Variants in MIPOL1 observed in about 807,000 individuals in gnomAD.
MIPOL1 encodes mirror-image polydactyly 1, also known as mirror-image polydactyly gene 1 protein.
A neutral mutation model predicts 60.9 loss-of-function variants in MIPOL1; 57 were observed. That is an observed-to-expected ratio of 0.94 (90% CI 0.76 to 1.17). MIPOL1 has a LOEUF of 1.17. Among genes scored for constraint, MIPOL1 ranks in the 50% most tolerant of loss-of-function variants. The pLI, the probability that MIPOL1 is intolerant of heterozygous loss-of-function variation, is 0.00. For synonymous variants in MIPOL1, 179 were observed against 168.8 expected (o/e 1.06, Z -0.47); for missense variants, 551 against 511.6 (o/e 1.08, Z -0.74).
chr14:37,514,040 C>G (rs547601222), intron 12 of MIPOL1, among the ~76,000 whole-genome samples: 2 of 152,082 alleles, frequency 1.3e-5, no homozygotes, highest in Non-Finnish European at 2.9e-5. Context: ...AATCCACTTA[C>G]GATGATCATG....
chr14:37,359,320 C>CT (rs1194063289), intron 9 of MIPOL1, among the ~76,000 whole-genome samples: 2 of 152,150 alleles, frequency 1.3e-5, no homozygotes, highest in Non-Finnish European at 2.9e-5. Context: ...AATGTGGGCT[C>CT]TTTTTTGGTT....
chr14:37,341,018 G>A (rs2153462231), intron 9 of MIPOL1, among the ~76,000 whole-genome samples: 1 of 152,240 alleles, frequency 6.6e-6, no homozygotes, highest in South Asian at 2.1e-4. Flanking sequence ...CTAACATGCT[G>A]TCCAGGTAGC....
At chr14:37,535,575 A>G (rs1414364470) in intron 12 of MIPOL1, among the ~76,000 whole-genome samples, 1 of 152,208 alleles carries the variant, frequency 6.6e-6, no homozygotes, top group Non-Finnish European at 1.5e-5. Context: ...GCCACTTGAA[A>G]AAGGTATAAC....
In MIPOL1 at chr14:37,549,401, A is replaced by C. The variant is rs370585518; in HGVS notation, c.*2430A>C. On this transcript the variant is annotated 3_prime_UTR_variant, in exon 13 of 13. Transcript: ENST00000684589. Reference sequence around the variant, plus strand: ...CAATCATAATAATAATAAATTATATATATAACCCATATAATAACGATGGTG... The same window carrying C: ...CAATCATAATAATAATAAATTATATCTATAACCCATATAATAACGATGGTG... The C allele has an allele frequency of 4.6e-5, 7 of 151,760 alleles. No homozygotes were observed. In the East Asian group the frequency reaches 1.2e-3, roughly 25 times the overall value. 9.4% of individuals were successfully genotyped at this position (151,760 alleles called of 1,614,324 possible). A position where few individuals can be genotyped will look rare whatever the true frequency, so the allele number is the denominator to read the frequency against.
At chr14:37,420,476 TA>T (rs1219180518) in intron 10 of MIPOL1, among the ~76,000 whole-genome samples, 2 of 152,190 alleles carry the variant, frequency 1.3e-5, no homozygotes, top group African/African-American at 2.4e-5. Context: ...ATTTCCTTGA[TA>T]TTTTTGATAA....
chr14:37,451,538 C>A (rs1271106975), intron 11 of MIPOL1, among the ~76,000 whole-genome samples: 1 of 151,236 alleles, frequency 6.6e-6, no homozygotes, highest in Non-Finnish European at 1.5e-5. Context: ...TATTCTTAAA[C>A]AATGAGCTTT....
At chr14:37,199,854 A>G (rs1162770571) in intron 1 of MIPOL1, among the ~76,000 whole-genome samples, 2 of 152,148 alleles carry the variant, frequency 1.3e-5, no homozygotes, top group Non-Finnish European at 2.9e-5. Context: ...GTATATGCCT[A>G]CTAGAAAATT....
intron 9 of MIPOL1, among the ~76,000 whole-genome samples, chr14:37,361,723 T>C (rs1238588265): frequency 7.0e-6 from 1 of 142,502 alleles, no homozygotes; most frequent in Non-Finnish European, 1.5e-5. Context: ...TTCTCCTGCC[T>C]CAGCCTCTCG....
At chr14:37,471,431 A>T (rs1277975358) in intron 11 of MIPOL1, among the ~76,000 whole-genome samples, 1 of 152,190 alleles carries the variant, frequency 6.6e-6, no homozygotes, top group Non-Finnish European at 1.5e-5. Context: ...ATGTTCTCTT[A>T]GAATTCCAAA....
intron 10 of MIPOL1, among the ~76,000 whole-genome samples, chr14:37,416,821 G>A (rs185389292): frequency 6.6e-6 from 1 of 150,550 alleles, no homozygotes; most frequent in Non-Finnish European, 1.5e-5. Context: ...GGTTTTCAGG[G>A]TACCAGCTAG....
intron 12 of MIPOL1, among the ~76,000 whole-genome samples, chr14:37,524,347 T>C (rs1427239373): frequency 1.3e-5 from 2 of 152,062 alleles, no homozygotes; most frequent in Non-Finnish European, 2.9e-5. Context: ...CAGTAGACTT[T>C]CTGGAAAGAT....
At chr14:37,234,799 G>A (rs1273983930) in intron 1 of MIPOL1, among the ~76,000 whole-genome samples, 1 of 150,382 alleles carries the variant, frequency 6.6e-6, no homozygotes, top group African/African-American at 2.4e-5. Flanking sequence ...TTTTTGAAAC[G>A]GAGTCTCACT....
intron 11 of MIPOL1, among the ~76,000 whole-genome samples, chr14:37,479,920 A>G (rs557262253): frequency 1.3e-5 from 2 of 152,276 alleles, no homozygotes; most frequent in South Asian, 4.1e-4. Context: ...ATATATGCCA[A>G]TAAATTGAAT....
At chr14:37,409,612 C>T (rs1375334452) in intron 10 of MIPOL1, among the ~76,000 whole-genome samples, 3 of 151,978 alleles carry the variant, frequency 2.0e-5, no homozygotes, top group Admixed American at 6.6e-5. Flanking sequence ...ATGGTGAAAC[C>T]CCGTCTCTTA....
intron 12 of MIPOL1, among the ~76,000 whole-genome samples, chr14:37,544,635 G>A (rs527283237): frequency 6.6e-6 from 1 of 152,292 alleles, no homozygotes; most frequent in Admixed American, 6.5e-5. Context: ...ATGTTTGGCA[G>A]GTGTATTCCA....
At position 37,226,756 on chromosome 14, in the gene MIPOL1, G is replaced by A. The variant is rs555828506; in HGVS notation, c.-198-20347G>A. On this transcript the variant is annotated intron_variant, in intron 1 of 12. Coordinates refer to ENST00000684589, the MANE Select transcript of MIPOL1 (RefSeq NM_001388067.1). The stretch of plus-strand genomic sequence containing the variant: ...GAGTTCAAGACTGCAGTGAGCCATG[G>A]TTGCACTACTGCACACCAGCCTGGG... 3.3e-5 allele frequency among the ~76,000 whole-genome samples: 5 copies of A among 152,202 alleles called. No homozygotes were observed. In the South Asian group the frequency reaches 1.0e-3, roughly 32 times the overall value.
At chr14:37,409,818 G>A (rs1189150350) in intron 10 of MIPOL1, among the ~76,000 whole-genome samples, 1 of 152,042 alleles carries the variant, frequency 6.6e-6, no homozygotes, top group East Asian at 1.9e-4. Flanking sequence ...TACATTAGAA[G>A]ACATATAAGT....
chr14:37,343,904 T>G (rs1211881640), intron 9 of MIPOL1, among the ~76,000 whole-genome samples: 3 of 152,136 alleles, frequency 2.0e-5, no homozygotes, highest in African/African-American at 7.2e-5. Context: ...ACAGTGAGCT[T>G]AGAGAGCTGG....
At chr14:37,330,076 T>C (rs2089535847) in intron 9 of MIPOL1, among the ~76,000 whole-genome samples, 1 of 152,100 alleles carries the variant, frequency 6.6e-6, no homozygotes, top group South Asian at 2.1e-4. Flanking sequence ...CTGAAGAGAT[T>C]ATAAAAAAGG....
Sources: allele counts gnomAD v4.1 joint callset (sites outside exome capture counted in the v4.1 genomes callset), GRCh38; gene constraint gnomAD v4.1.1; transcripts MANE v1.5; gene names NCBI Gene and HGNC (gene_info 2026-07-23, HGNC 2026-07-21).